Variants in ANKDD1B observed in about 807,000 individuals in gnomAD.
The protein encoded by ANKDD1B is ankyrin repeat and death domain-containing protein 1B.
In ANKDD1B, 57 loss-of-function variants were observed where a neutral mutation model predicts 59.7. The ratio of observed to expected loss-of-function variants is 0.95; its 90% CI spans 0.77 to 1.19. The LOEUF (loss-of-function observed/expected upper bound fraction) is 1.19. ANKDD1B is among the 50% of genes most tolerant of loss of function. The pLI is 0.00. For missense variants in ANKDD1B, 602 were observed against 641.9 expected (o/e 0.94, Z 0.67); for synonymous variants, 216 against 239.5 (o/e 0.90, Z 0.91).
intron 7 of ANKDD1B, among the ~76,000 whole-genome samples, chr5:75,640,847 A>G (rs1417326689): frequency 6.6e-6 from 1 of 152,242 alleles, no homozygotes; most frequent in Non-Finnish European, 1.5e-5. Context: ...AGAATTAATG[A>G]TTTACCTCTA....
chr5:75,638,352 A>G (rs1774371554), intron 7 of ANKDD1B, among the ~76,000 whole-genome samples: 1 of 152,160 alleles, frequency 6.6e-6, no homozygotes, highest in Admixed American at 6.5e-5. Flanking sequence ...TGATAATAAT[A>G]TTATCTTTTT....
chr5:75,623,546 A>T (rs1773913506), intron 3 of ANKDD1B, among the ~76,000 whole-genome samples: 1 of 152,192 alleles, frequency 6.6e-6, no homozygotes, highest in African/African-American at 2.4e-5. Flanking sequence ...AGTCTTCTTC[A>T]TGCTGGAATT....
intron 7 of ANKDD1B, among the ~76,000 whole-genome samples, chr5:75,650,846 TAGTTTG>T (rs1420978261): frequency 2.0e-5 from 3 of 152,172 alleles, no homozygotes; most frequent in East Asian, 3.9e-4. Flanking sequence ...AGAGGATTCT[TAGTTTG>T]AGTTTATTAT....
At chr5:75,635,235 A>G (rs749631089) in intron 6 of ANKDD1B, 12 of 367,334 alleles carry the variant, frequency 3.3e-5, no homozygotes, top group Non-Finnish European at 6.1e-5. Context: ...GATAGACCAC[A>G]TGGATTTTTC....
At chr5:75,657,845 G>A (rs1775015006) in intron 9 of ANKDD1B, among the ~76,000 whole-genome samples, 1 of 151,174 alleles carries the variant, frequency 6.6e-6, no homozygotes, top group African/African-American at 2.4e-5. Flanking sequence ...GTAGTGAGCT[G>A]AGATCGCCAC....
In ANKDD1B at chr5:75,611,703, G is replaced by A. The variant is rs1274226342; in HGVS notation, c.69G>A (p.Ala23=). The change falls in exon 1 of 14, where the codon GCG becomes GCA. Residue 23 remains alanine (A), a synonymous_variant. Transcript: ENST00000601380. ...TAGGLLLRAA[A]AAKGLREDLW... ...GGGGGCTGCTGCTCCGGGCTGCTGC[G>A]GCCGCCAAGGGTCTCAGGGAAGACC... 4.9e-6 allele frequency: 6 copies of A among 1,231,664 alleles called. No individual in the cohort carries two copies. Among genetic ancestry groups the A allele is most frequent in the Non-Finnish European group, 6.1e-6 (6 of 988,078 alleles). 76.3% of individuals were successfully genotyped at this position (1,231,664 alleles called of 1,614,324 possible).
rs137990685 is a variant in ANKDD1B, at chr5:75,667,521, G to A, written c.1393+528G>A. On this transcript the variant is annotated intron_variant, in intron 12 of 13. Transcript: ENST00000601380. ...GGGGAGACTTGGCTGTGCCATGAGC[G>A]ACACGGCAAATACAGACTCAGAGGG... Among the ~76,000 whole-genome samples, 351 of 152,226 alleles carry A rather than the reference G, an allele frequency of 2.3e-3. 2 individuals are homozygous for A. The highest frequency in any genetic ancestry group is 7.8e-3 in the African/African-American group (325 of 41,528).
chr5:75,668,794 A>G (rs995876476), intron 12 of ANKDD1B, among the ~76,000 whole-genome samples: 6 of 152,226 alleles, frequency 3.9e-5, no homozygotes, highest in African/African-American at 1.2e-4. Context: ...TGAATGGTGC[A>G]TGCTTGCTGC....
chr5:75,636,107 C>G (rs186678866), intron 7 of ANKDD1B, among the ~76,000 whole-genome samples: 1 of 152,156 alleles, frequency 6.6e-6, no homozygotes, highest in Non-Finnish European at 1.5e-5. Context: ...TTAATATGTA[C>G]TGTATGCCAG....
chr5:75,624,641 G>A (rs1773943090), intron 3 of ANKDD1B, among the ~76,000 whole-genome samples: 1 of 152,020 alleles, frequency 6.6e-6, no homozygotes, highest in Non-Finnish European at 1.5e-5. Flanking sequence ...TATAACTTGT[G>A]TTTTTTTCAC....
intron 5 of ANKDD1B, 92 bp downstream of exon 5, chr5:75,626,047 A>G (rs963821201): frequency 1.5e-5 from 14 of 936,156 alleles, no homozygotes; most frequent in Middle Eastern, 2.8e-4. Context: ...AGCAGCCAGC[A>G]CAGACAGACC....
intron 9 of ANKDD1B, among the ~76,000 whole-genome samples, chr5:75,657,651 G>A (rs1775010176): frequency 6.6e-6 from 1 of 152,164 alleles, no homozygotes; most frequent in Admixed American, 6.5e-5. Flanking sequence ...GCTCATGCCT[G>A]TAATCCCAAC....
chr5:75,618,361 A>AT (rs776561982), intron 2 of ANKDD1B, among the ~76,000 whole-genome samples: 5 of 152,276 alleles, frequency 3.3e-5, no homozygotes, highest in Non-Finnish European at 5.9e-5. Context: ...AACATTTAAC[A>AT]TTTTTCCATA....
chr5:75,667,205 C>T (rs577918025), intron 12 of ANKDD1B, among the ~76,000 whole-genome samples: 9 of 152,234 alleles, frequency 5.9e-5, no homozygotes, highest in African/African-American at 1.4e-4. Flanking sequence ...TGCAGTAAAC[C>T]GAAGTTTGTA....
At chr5:75,653,593 T>G (rs1774886125) in intron 8 of ANKDD1B, among the ~76,000 whole-genome samples, 1 of 152,052 alleles carries the variant, frequency 6.6e-6, no homozygotes, top group South Asian at 2.1e-4. Flanking sequence ...TCAAGAAGAG[T>G]GATAATTTTT....
At position 75,667,693 on chromosome 5, in the gene ANKDD1B, A is replaced by G. The variant is rs565822157; in HGVS notation, c.1393+700A>G. Among the ~76,000 whole-genome samples the G allele has an allele frequency of 1.4e-4, 21 of 152,316 alleles. No homozygotes were observed. In the South Asian group the frequency reaches 4.4e-3, roughly 32 times the overall value. ...AGGAAACATAGAAAGTTTACTTGGC[A>G]TTAATCAACTAATTAGCTTTGAAAA... On this transcript the variant is annotated intron_variant, in intron 12 of 13. Coordinates refer to ENST00000601380, the MANE Select transcript of ANKDD1B (RefSeq NM_001276713.2).
intron 10 of ANKDD1B, among the ~76,000 whole-genome samples, chr5:75,661,440 C>T (rs1225748522): frequency 7.2e-6 from 1 of 139,422 alleles, no homozygotes; most frequent in Non-Finnish European, 1.5e-5. Flanking sequence ...CACAGGCCCA[C>T]TGTGGACGAT....
rs1000986541 is a variant in ANKDD1B, at chr5:75,625,750, G to A, written c.495+5G>A. 5.9e-6 allele frequency: 9 copies of A among 1,536,048 alleles called. No individual in the cohort carries two copies. In the Admixed American group the frequency reaches 9.8e-5, roughly 17 times the overall value. The stretch of plus-strand genomic sequence containing the variant: ...GACCAGAGAGCCAAGAATCAGGTAG[G>A]TATGTGGGTCACACCTGGACAAAAG... On this transcript the variant is annotated splice_donor_5th_base_variant and intron_variant, in intron 4 of 13. Coordinates refer to ENST00000601380, the MANE Select transcript of ANKDD1B (RefSeq NM_001276713.2).
chr5:75,611,543 C>A lies in ANKDD1B; in HGVS notation c.-92C>A. 2 of 1,081,634 alleles carry A rather than the reference C, an allele frequency of 1.8e-6. No individual in the cohort carries two copies. Among genetic ancestry groups the A allele is most frequent in the South Asian group, 4.8e-5 (1 of 20,758 alleles). The allele number at this position is 1,081,634 out of a possible 1,614,324, so 67.0% of individuals were successfully genotyped here. On this transcript the variant is annotated 5_prime_UTR_variant, in exon 1 of 14. Transcript: ENST00000601380. ...CTGCGTCCAGCCCCCGCGCCCTGGG[C>A]CTGCCTGGGTCTGGATCTGTGTCCG...
Sources: allele counts gnomAD v4.1 joint callset (sites outside exome capture counted in the v4.1 genomes callset), GRCh38; gene constraint gnomAD v4.1.1; transcripts MANE v1.5; gene names NCBI Gene and HGNC (gene_info 2026-07-23, HGNC 2026-07-21).